Variants in RBM44 observed in about 807,000 individuals in gnomAD.
RBM44 encodes the protein RNA binding motif protein 44.
A neutral mutation model predicts 105.1 loss-of-function variants in RBM44; 66 were observed. The ratio of observed to expected loss-of-function variants is 0.63; its 90% confidence interval spans 0.52 to 0.77. RBM44 has a LOEUF of 0.77. RBM44 is among the 30% of genes least tolerant of loss of function. The pLI, the probability that RBM44 is intolerant of heterozygous loss-of-function variation, is 0.00. For synonymous variants in RBM44, 365 were observed against 417.6 expected (o/e 0.87, Z 1.54); for missense variants, 1,122 against 1,207.8 (o/e 0.93, Z 1.05).
chr2:237,837,596 T>A (rs1056368500), intron 15 of RBM44, among the ~76,000 whole-genome samples: 4 of 152,236 alleles, frequency 2.6e-5, no homozygotes, highest in African/African-American at 9.6e-5. Flanking sequence ...GTGACTGAAT[T>A]GCTGCAACCT....
intron 11 of RBM44, 44 bp downstream of exon 11, chr2:237,827,373 A>G (rs2061858372): frequency 1.4e-6 from 2 of 1,456,898 alleles, no homozygotes; most frequent in Non-Finnish European, 1.9e-6. Context: ...CAAATTTATT[A>G]GTTGTTCATA....
In RBM44 at chr2:237,818,288, G is replaced by T; in HGVS notation, c.1369G>T (p.Ala457Ser). The change falls in exon 3 of 16, where the codon GCA (alanine) becomes TCA (serine). Residue 457 changes from alanine (A) to serine (S), a missense_variant. Ala to Ser is a moderately conservative substitution (Grantham distance 99). This residue lies in a region of RBM44 where 918 missense variants were observed against 955.3 expected (regional missense o/e 0.96). Transcript: ENST00000316997. This position sits in a 1 kb window ranked among gnomAD's most constrained non-coding sequence, Gnocchi z 4.6. ...GEMCTKSLTDAASCTVTINQT... is the reference protein window; with the variant it reads ...GEMCTKSLTDSASCTVTINQT... Reference sequence around the variant, plus strand: ...AATGTGTACTAAATCATTGACAGATGCAGCAAGTTGTACAGTCACAATTAA... The same window carrying T: ...AATGTGTACTAAATCATTGACAGATTCAGCAAGTTGTACAGTCACAATTAA... The T allele has an allele frequency of 1.2e-6, 2 of 1,613,330 alleles. No individual in the cohort carries two copies. The highest frequency in any genetic ancestry group is 1.7e-6 in the Non-Finnish European group (2 of 1,179,534).
intron 1 of RBM44, among the ~76,000 whole-genome samples, chr2:237,805,385 T>C (rs1255329385): frequency 6.6e-6 from 1 of 152,066 alleles, no homozygotes; most frequent in Non-Finnish European, 1.5e-5. Flanking sequence ...ATAAAAAGAA[T>C]AAATATTGTA....
At chr2:237,838,332 A>C (rs959058180) in intron 15 of RBM44, among the ~76,000 whole-genome samples, 9 of 152,164 alleles carry the variant, frequency 5.9e-5, no homozygotes, top group Admixed American at 3.9e-4. Flanking sequence ...TTATCTTGCA[A>C]ATAAAAAAAC....
intron 10 of RBM44, 35 bp downstream of exon 10, chr2:237,824,454 C>A: frequency 6.3e-7 from 1 of 1,586,776 alleles, no homozygotes; most frequent in Non-Finnish European, 8.6e-7. Flanking sequence ...AAATCCTAAC[C>A]TAGATCATTT....
intron 7 of RBM44, 69 bp from the exon 8 acceptor site, chr2:237,821,674 A>C: frequency 9.5e-7 from 1 of 1,049,264 alleles, no homozygotes; most frequent in East Asian, 2.5e-5. Context: ...TATACATTGT[A>C]GTTAACTATA....
At chr2:237,831,522 A>G (rs1024785062) in intron 13 of RBM44, among the ~76,000 whole-genome samples, 11 of 152,158 alleles carry the variant, frequency 7.2e-5, no homozygotes, top group Non-Finnish European at 1.2e-4. Flanking sequence ...ACCTCAAGTC[A>G]TCTGCTCACC....
intron 15 of RBM44, among the ~76,000 whole-genome samples, chr2:237,836,885 C>T (rs2061965329): frequency 6.6e-6 from 1 of 151,976 alleles, no homozygotes; most frequent in South Asian, 2.1e-4. Context: ...CCACTTTAGC[C>T]TCCCAAAGTG....
intron 1 of RBM44, among the ~76,000 whole-genome samples, chr2:237,806,721 C>G (rs930571904): frequency 6.6e-6 from 1 of 152,132 alleles, no homozygotes; most frequent in Non-Finnish European, 1.5e-5. Flanking sequence ...AGGGGGACTC[C>G]CCCTTGAGAC....
rs2061564534 is a variant in RBM44 at position 237,803,282 on chromosome 2, GTC to G, written c.-19+4425_-19+4426del. 6.7e-6 allele frequency among the ~76,000 whole-genome samples: 1 copy of G among 149,850 alleles called. No homozygotes were observed. Among genetic ancestry groups the G allele is most frequent in the South Asian group, 2.2e-4 (1 of 4,644 alleles). On this transcript the variant is annotated intron_variant, in intron 1 of 15. Transcript: ENST00000316997. The surrounding 1 kb of genome is among the most constrained non-coding windows in gnomAD (Gnocchi z 4.2). ...ACACACACACACACACAGTCTCTCT[GTC>G]TCTGGGTGACAGAGCGAGACACACA...
chr2:237,818,510 A>G lies in RBM44; in HGVS notation c.1591A>G (p.Ile531Val), dbSNP rs983401764. 27 of 1,610,524 alleles carry G rather than the reference A, an allele frequency of 1.7e-5. No homozygotes were observed. Among genetic ancestry groups the G allele is most frequent in the Non-Finnish European group, 2.2e-5 (26 of 1,178,158 alleles). Residue 531 changes from isoleucine to valine, a missense_variant, in exon 3 of 16, where the codon ATA (isoleucine) becomes GTA (valine). Transcript: ENST00000316997. The surrounding 1 kb of genome is among the most constrained non-coding windows in gnomAD (Gnocchi z 4.6). ...AGATTGGTCATACAGTGAAGATTGTATAGATACACAGATGGCTATAACAAA... is the reference window on the plus strand; with the variant it reads ...AGATTGGTCATACAGTGAAGATTGTGTAGATACACAGATGGCTATAACAAA... Reference protein sequence around the residue: ...STDWSYSEDCIDTQMAITKGS... With the variant: ...STDWSYSEDCVDTQMAITKGS...
chr2:237,817,697 C>T lies in RBM44; in HGVS notation c.778C>T (p.His260Tyr). The T allele has an allele frequency of 1.2e-6, 2 of 1,612,562 alleles. No individual in the cohort carries two copies. Among genetic ancestry groups the T allele is most frequent in the African/African-American group, 1.3e-5 (1 of 74,964 alleles). ...LDVYGQEESLHVSKFQNSVML... is the reference protein window; with the variant it reads ...LDVYGQEESLYVSKFQNSVML... ...TGTTTATGGACAAGAAGAGTCACTT[C>T]ATGTCTCCAAATTTCAGAATTCTGT... The change falls in exon 3 of 16, where the codon CAT (histidine) becomes TAT (tyrosine). Residue 260 changes from histidine to tyrosine, a missense_variant. Transcript: ENST00000316997.
chr2:237,803,376 C>T lies in RBM44; in HGVS notation c.-19+4515C>T, dbSNP rs1276930346. On this transcript the variant is annotated intron_variant, in intron 1 of 15. Coordinates refer to ENST00000316997, the MANE Select transcript of RBM44 (RefSeq NM_001080504.3). This position sits in a 1 kb window ranked among gnomAD's most constrained non-coding sequence, Gnocchi z 4.2. ...TCTCTCTCACTCACACACACACACA[C>T]AAATTTTAAGCCATTCTAATGAATG... Among the ~76,000 whole-genome samples, 1 of 151,990 alleles carries T rather than the reference C, an allele frequency of 6.6e-6. No homozygotes were observed. Among genetic ancestry groups the T allele is most frequent in the Admixed American group, 6.5e-5 (1 of 15,268 alleles).
In RBM44 at chr2:237,818,284, A is replaced by G; in HGVS notation, c.1365A>G (p.Thr455=). 2 of 1,613,376 alleles carry G rather than the reference A, an allele frequency of 1.2e-6. No individual in the cohort carries two copies. The highest frequency in any genetic ancestry group is 1.7e-5 in the Admixed American group (1 of 59,886). The change falls in exon 3 of 16, where the codon ACA becomes ACG. Residue 455 remains threonine, a synonymous_variant. Transcript: ENST00000316997. The surrounding 1 kb of genome is among the most constrained non-coding windows in gnomAD (Gnocchi z 4.6). The part of the protein sequence containing the change: ...NIGEMCTKSL[T]DAASCTVTIN... The stretch of plus-strand genomic sequence containing the variant: ...GAGAAATGTGTACTAAATCATTGAC[A>G]GATGCAGCAAGTTGTACAGTCACAA...
chr2:237,817,816 A>G lies in RBM44; in HGVS notation c.897A>G (p.Leu299=). ...ACACTGTATTTGATGGCAGTGTACT[A>G]AGAAGCAATTCTCCAGGAAACCAGG... The part of the protein sequence containing the change: ...MYHTVFDGSV[L]RSNSPGNQES... Residue 299 remains leucine, a synonymous_variant, in exon 3 of 16, where the codon CTA becomes CTG. Coordinates refer to ENST00000316997, the MANE Select transcript of RBM44 (RefSeq NM_001080504.3). 1.2e-6 allele frequency: 2 copies of G among 1,612,364 alleles called. No homozygotes were observed. Among genetic ancestry groups the G allele is most frequent in the Non-Finnish European group, 1.7e-6 (2 of 1,179,234 alleles).
At chr2:237,807,521 A>G (rs2061611160) in intron 1 of RBM44, among the ~76,000 whole-genome samples, 1 of 152,242 alleles carries the variant, frequency 6.6e-6, no homozygotes. Flanking sequence ...CCAGGTCACA[A>G]CTTGCAAAAG....
chr2:237,818,864 T>C lies in RBM44; in HGVS notation c.1678-37T>C, dbSNP rs573154385. The C allele has an allele frequency of 8.7e-5, 100 of 1,151,942 alleles. 1 individual carries two copies. The South Asian group carries it at 1.3e-3, about 16-fold the overall frequency. The allele number at this position is 1,151,942 out of a possible 1,614,324, so 71.4% of individuals were successfully genotyped here. ...TTTTATTAGTTTGGAATTTCAGATA[T>C]AACTTTTTTAAATTTAATTTTAAAT... On this transcript the variant is annotated intron_variant, in intron 3 of 15. Coordinates refer to ENST00000316997, the MANE Select transcript of RBM44 (RefSeq NM_001080504.3). The surrounding 1 kb of genome is among the most constrained non-coding windows in gnomAD (Gnocchi z 4.6).
intron 4 of RBM44, among the ~76,000 whole-genome samples, chr2:237,819,948 T>C (rs2061765679): frequency 1.3e-5 from 2 of 151,964 alleles, no homozygotes; most frequent in South Asian, 2.1e-4. Flanking sequence ...AAAGAAAGTA[T>C]GAATTTGAGA....
At chr2:237,831,565 G>A (rs2061903637) in intron 13 of RBM44, among the ~76,000 whole-genome samples, 2 of 152,258 alleles carry the variant, frequency 1.3e-5, no homozygotes, top group East Asian at 3.9e-4. Flanking sequence ...TTACTGGCCT[G>A]AGCCACCACA....
Sources: gnomAD v4.1 joint callset for allele counts (sites outside exome capture counted in the v4.1 genomes callset) on GRCh38, gnomAD v4.1.1 for gene constraint, gnomAD v4.1.1 regional missense constraint, Gnocchi (gnomAD v3.1) non-coding constraint, MANE v1.5 for transcripts, NCBI Gene and HGNC (gene_info 2026-07-23, HGNC 2026-07-21) for gene names.